FUCA2: variants seen among roughly 807,000 people sequenced by gnomAD.
FUCA2 encodes the protein plasma alpha-L-fucosidase.
Under a neutral mutation model 52.6 loss-of-function variants are expected in FUCA2, and 41 were observed. The observed-to-expected ratio is 0.78, with a 90% confidence interval of 0.61 to 1.01. The LOEUF is 1.01. Among genes scored for constraint, FUCA2 ranks in the 50% least tolerant of loss-of-function variants. The pLI is 0.00. For missense variants in FUCA2, 507 were observed against 569.5 expected, an observed-to-expected ratio of 0.89 and a Z score of 1.12; for synonymous variants, 211 against 217.3, an observed-to-expected ratio of 0.97 and a Z score of 0.26.
chr6:143,504,249 A>G lies in FUCA2; in HGVS notation c.416T>C (p.Phe139Ser). 6.2e-7 allele frequency: 1 copy of G among 1,604,136 alleles called. No individual in the cohort carries two copies. Among genetic ancestry groups the G allele is most frequent in the Non-Finnish European group, 8.5e-7 (1 of 1,176,312 alleles). The change falls in exon 3 of 7, where the codon TTT becomes TCT. Residue 139 changes from phenylalanine to serine, a missense_variant. Transcript: ENST00000002165. The surrounding 1 kb of genome is among the most constrained non-coding windows in gnomAD (Gnocchi z 4.4). ...IVLTSKHHEG[F>S]TLWGSEYSWN... Reference sequence around the variant, plus strand: ...CGAATATTCTGACCCCCACAAGGTAAAGCCTAGAAAATTATAGTGAAAACC... The same window carrying G: ...CGAATATTCTGACCCCCACAAGGTAGAGCCTAGAAAATTATAGTGAAAACC...
In FUCA2 at chr6:143,504,160, T is replaced by C. The variant is rs1780568361; in HGVS notation, c.505A>G (p.Ile169Val). ...RDIVKELEVA[I>V]RNRTDLRFGL... ...AAACGCAGGTCAGTTCTGTTCCTAA[T>C]GGCTACCTCAAGTTCCTTGACAATG... The change falls in exon 3 of 7, where the codon ATT (isoleucine) becomes GTT (valine). Residue 169 changes from isoleucine to valine, a missense_variant. Physicochemically the swap from Ile to Val is conservative, Grantham distance 29 (BLOSUM62 3). Coordinates refer to ENST00000002165, the MANE Select transcript of FUCA2 (RefSeq NM_032020.5). This position sits in a 1 kb window ranked among gnomAD's most constrained non-coding sequence, Gnocchi z 4.4. 2 of 1,614,056 alleles carry C rather than the reference T, an allele frequency of 1.2e-6. No individual in the cohort carries two copies. Among genetic ancestry groups the C allele is most frequent in the Non-Finnish European group, 1.7e-6 (2 of 1,180,024 alleles).
rs996403234 is a variant in FUCA2 at position 143,497,659 on chromosome 6, A to C, written c.1155-162T>G. 6.6e-6 allele frequency among the ~76,000 whole-genome samples: 1 copy of C among 152,166 alleles called. No homozygotes were observed. Among genetic ancestry groups the C allele is most frequent in the African/African-American group, 2.4e-5 (1 of 41,446 alleles). On this transcript the variant is annotated intron_variant, in intron 5 of 6. Coordinates refer to ENST00000002165, the MANE Select transcript of FUCA2 (RefSeq NM_032020.5). The surrounding 1 kb of genome is among the most constrained non-coding windows in gnomAD (Gnocchi z 5.3). ...TAGCCTCATGGTGGTATAAAAAAAC[A>C]CCTTCCTCCCCCAAGACCAAAAGGA...
In FUCA2 at chr6:143,502,306, CACACTATT is replaced by C; in HGVS notation, c.963+41_963+48del. Reference sequence around the variant, plus strand: ...ATAGAAGAAATAATTCCTACATGACCACACTATTAAGAATATTATGTTAATAGCCACCA... The same window carrying C: ...ATAGAAGAAATAATTCCTACATGACCAAGAATATTATGTTAATAGCCACCA... On this transcript the variant is annotated intron_variant, in intron 4 of 6. Coordinates refer to ENST00000002165, the MANE Select transcript of FUCA2 (RefSeq NM_032020.5). This position sits in a 1 kb window ranked among gnomAD's most constrained non-coding sequence, Gnocchi z 4.1. The C allele has an allele frequency of 6.5e-7, 1 of 1,546,518 alleles. No individual in the cohort carries two copies. The highest frequency in any genetic ancestry group is 8.9e-7 in the Non-Finnish European group (1 of 1,127,578).
rs3789789 is a variant in FUCA2 at position 143,502,622 on chromosome 6, G to A, written c.753-57C>T. Reference sequence around the variant, plus strand: ...AAGGTATAAGCTTTTTATACAAAAAGAAATGTCACTGAAAAGACATGTAAT... The same window carrying A: ...AAGGTATAAGCTTTTTATACAAAAAAAAATGTCACTGAAAAGACATGTAAT... On this transcript the variant is annotated intron_variant, in intron 3 of 6. Transcript: ENST00000002165. The surrounding 1 kb of genome is among the most constrained non-coding windows in gnomAD (Gnocchi z 4.1). 296,785 of 1,391,102 alleles carry A rather than the reference G, an allele frequency of 0.21. 32,523 individuals are homozygous for A. The highest frequency in any genetic ancestry group is 0.22 in the Non-Finnish European group (216,968 of 998,656). 86.2% of individuals were successfully genotyped at this position (1,391,102 alleles called of 1,614,324 possible).
chr6:143,501,889 C>A lies in FUCA2; in HGVS notation c.1154+43G>T, dbSNP rs1780531283. ...TTTATATGTCTGATAAATTTTAAAT[C>A]TCTTCCTTTATAAAAGAGTACTTGG... On this transcript the variant is annotated intron_variant, in intron 5 of 6. Transcript: ENST00000002165. This position sits in a 1 kb window ranked among gnomAD's most constrained non-coding sequence, Gnocchi z 6.1. 6.6e-7 allele frequency: 1 copy of A among 1,518,434 alleles called. No homozygotes were observed. The highest frequency in any genetic ancestry group is 9.0e-7 in the Non-Finnish European group (1 of 1,112,570). The allele number at this position is 1,518,434 out of a possible 1,614,324, so 94.1% of individuals were successfully genotyped here.
rs1780616359 is a variant in FUCA2, at chr6:143,506,934, A to G, written c.412+303T>C. The G allele has an allele frequency of 1.3e-5, 4 of 311,052 alleles. No homozygotes were observed. The South Asian group carries it at 1.8e-4, about 14-fold the overall frequency. 19.3% of individuals were successfully genotyped at this position (311,052 alleles called of 1,614,324 possible). A position where few individuals can be genotyped will look rare whatever the true frequency, so the allele number is the denominator to read the frequency against. On this transcript the variant is annotated intron_variant, in intron 2 of 6. Coordinates refer to ENST00000002165, the MANE Select transcript of FUCA2 (RefSeq NM_032020.5). ...GAGTGCAATTCCAAGATGAACTTTG[A>G]CTTGCAACCCACACTCCCTTCAACA...
In FUCA2 at chr6:143,503,801, C is replaced by A; in HGVS notation, c.752+112G>T. 1 of 767,400 alleles carries A rather than the reference C, an allele frequency of 1.3e-6. No individual in the cohort carries two copies. Among genetic ancestry groups the A allele is most frequent in the Non-Finnish European group, 2.1e-6 (1 of 484,782 alleles). 47.5% of individuals were successfully genotyped at this position (767,400 alleles called of 1,614,324 possible). ...GTATTATTTACAATGATTTTCTCCC[C>A]CCATACCACCAATGACTTAAAATGA... On this transcript the variant is annotated intron_variant, in intron 3 of 6. Coordinates refer to ENST00000002165, the MANE Select transcript of FUCA2 (RefSeq NM_032020.5). This position sits in a 1 kb window ranked among gnomAD's most constrained non-coding sequence, Gnocchi z 4.8.
At position 143,497,386 on chromosome 6, in the gene FUCA2, T is replaced by TA. The variant is rs1343590030; in HGVS notation, c.1263+2dup. Reference sequence around the variant, plus strand: ...AAAGGAATAAGGTAAAATTCCCTCTTACCTCTGTTGCCCCCAGAATAGCTT... The same window carrying TA: ...AAAGGAATAAGGTAAAATTCCCTCTTAACCTCTGTTGCCCCCAGAATAGCTT... On this transcript the variant is annotated splice_region_variant and intron_variant, in intron 6 of 6. Coordinates refer to ENST00000002165, the MANE Select transcript of FUCA2 (RefSeq NM_032020.5). The surrounding 1 kb of genome is among the most constrained non-coding windows in gnomAD (Gnocchi z 5.3). 3 of 1,590,802 alleles carry TA rather than the reference T, an allele frequency of 1.9e-6. No individual in the cohort carries two copies. Among genetic ancestry groups the TA allele is most frequent in the South Asian group, 1.1e-5 (1 of 90,610 alleles).
rs1485726620 is a variant in FUCA2 at position 143,510,614 on chromosome 6, G to C, written c.224+797C>G. Among the ~76,000 whole-genome samples, 3 of 151,226 alleles carry C rather than the reference G, an allele frequency of 2.0e-5. No homozygotes were observed. The highest frequency in any genetic ancestry group is 4.4e-5 in the Non-Finnish European group (3 of 67,910). On this transcript the variant is annotated intron_variant, in intron 1 of 6. Coordinates refer to ENST00000002165, the MANE Select transcript of FUCA2 (RefSeq NM_032020.5). The surrounding 1 kb of genome is among the most constrained non-coding windows in gnomAD (Gnocchi z 4.4). Reference sequence around the variant, plus strand: ...AGATGGTGCCACTGCACTCCAGCCTGGGTGACAGAATGAGACTATGTCTCA... The same window carrying C: ...AGATGGTGCCACTGCACTCCAGCCTCGGTGACAGAATGAGACTATGTCTCA...
intron 1 of FUCA2, among the ~76,000 whole-genome samples, chr6:143,508,104 T>C (rs1442633048): frequency 6.6e-6 from 1 of 152,208 alleles, no homozygotes; most frequent in Non-Finnish European, 1.5e-5. Context: ...ATCTATTATA[T>C]TCAGTAGTAG....
chr6:143,502,440 T>C lies in FUCA2; in HGVS notation c.878A>G (p.Asn293Ser). 3 of 1,614,086 alleles carry C rather than the reference T, an allele frequency of 1.9e-6. No individual in the cohort carries two copies. Among genetic ancestry groups the C allele is most frequent in the Non-Finnish European group, 2.5e-6 (3 of 1,179,984 alleles). ...GGACAGTTTGTCTATTGTCATGCAG[T>C]TTTCCCATTTATGTGGCAAAAGATG... is the stretch of plus-strand genomic sequence containing the variant. ...PGHLLPHKWE[N>S]CMTIDKLSWG... is the part of the protein sequence containing the mutation. Residue 293 changes from asparagine (N) to serine (S), a missense_variant, in exon 4 of 7, where the codon AAC becomes AGC. By Grantham distance (46) the Asn-to-Ser change is conservative (BLOSUM62 1). Transcript: ENST00000002165. This position sits in a 1 kb window ranked among gnomAD's most constrained non-coding sequence, Gnocchi z 4.1.
chr6:143,509,609 G>T lies in FUCA2; in HGVS notation c.224+1802C>A, dbSNP rs933994077. 9.9e-5 allele frequency among the ~76,000 whole-genome samples: 15 copies of T among 152,076 alleles called. No homozygotes were observed. Among genetic ancestry groups the T allele is most frequent in the African/African-American group, 3.4e-4 (14 of 41,398 alleles). ...AATGATAATATAAGATACAATTTAG[G>T]GGGAAGAAAGTTGTTAATTATGTAC... On this transcript the variant is annotated intron_variant, in intron 1 of 6. Transcript: ENST00000002165. The surrounding 1 kb of genome is among the most constrained non-coding windows in gnomAD (Gnocchi z 5.4).
rs759616945 is a variant in FUCA2, at chr6:143,503,888, T to C, written c.752+25A>G. 1 of 1,531,260 alleles carries C rather than the reference T, an allele frequency of 6.5e-7. No homozygotes were observed. The highest frequency in any genetic ancestry group is 1.2e-5 in the South Asian group (1 of 84,762). 94.9% of individuals were successfully genotyped at this position (1,531,260 alleles called of 1,614,324 possible). On this transcript the variant is annotated intron_variant, in intron 3 of 6. Coordinates refer to ENST00000002165, the MANE Select transcript of FUCA2 (RefSeq NM_032020.5). The surrounding 1 kb of genome is among the most constrained non-coding windows in gnomAD (Gnocchi z 4.8). ...ATATATTAGGAATATGGAGGGTAACTGCAGCAATCTCATAGCATACACACC... is the reference window on the plus strand; with the variant it reads ...ATATATTAGGAATATGGAGGGTAACCGCAGCAATCTCATAGCATACACACC...
chr6:143,507,318 AT>A lies in FUCA2; in HGVS notation c.330del (p.Lys110AsnfsTer22), dbSNP rs1562666566. 6.2e-7 allele frequency: 1 copy of A among 1,610,456 alleles called. No individual in the cohort carries two copies. Among genetic ancestry groups the A allele is most frequent in the East Asian group, 2.2e-5 (1 of 44,734 alleles). On this transcript the variant is annotated frameshift_variant, in exon 2 of 7. Transcript: ENST00000002165. LOFTEE classifies it high-confidence loss of function. This position sits in a 1 kb window ranked among gnomAD's most constrained non-coding sequence, Gnocchi z 4.5. ...TCTGCCCACTGGTTGGCATTAAAAA[AT>A]TTTGCTGTAAATAGTGGTCCAAAAT... Reference protein sequence around the residue: ...YEDFGPLFTAKFFNANQWADI... With the variant: ...YEDFGPLFTAXFFNANQWADI...
In FUCA2 at chr6:143,507,353, T is replaced by G; in HGVS notation, c.296A>C (p.Lys99Thr). 2.5e-6 allele frequency: 4 copies of G among 1,608,630 alleles called. 1 individual carries two copies. Among genetic ancestry groups the G allele is most frequent in the Middle Eastern group, 1.7e-4 (1 of 6,036 alleles). Residue 99 changes from lysine to threonine, a missense_variant, in exon 2 of 7, where the codon AAA becomes ACA. By Grantham distance (78) the Lys-to-Thr change is moderately conservative. Transcript: ENST00000002165. This position sits in a 1 kb window ranked among gnomAD's most constrained non-coding sequence, Gnocchi z 4.5. ...FMKDNYPPSF[K>T]YEDFGPLFTA... ...AAATAGTGGTCCAAAATCTTCATAT[T>G]TGAAACTAGGAGGGTAATTATCTTT...
At chr6:143,506,703 A>T (rs1324418834) in intron 2 of FUCA2, 3 of 152,364 alleles carry the variant, frequency 2.0e-5, no homozygotes, top group African/African-American at 7.2e-5. Context: ...TCTGGAAACC[A>T]TTACAGTTCC....
At chr6:143,496,166 C>T (rs1286702029) in intron 6 of FUCA2, 1 of 234,586 alleles carries the variant, frequency 4.3e-6, no homozygotes, top group African/African-American at 2.2e-5. Flanking sequence ...GGCTCTGAAA[C>T]CAGAGTCTGC....
At position 143,507,373 on chromosome 6, in the gene FUCA2, A is replaced by G. The variant is rs779071325; in HGVS notation, c.276T>C (p.Asp92=). ...CATATTTGAAACTAGGAGGGTAATT[A>G]TCTTTCATAAATTCCACATACTTCG... is the stretch of plus-strand genomic sequence containing the variant. The part of the protein sequence containing the change: ...KIPKYVEFMK[D]NYPPSFKYED... The change falls in exon 2 of 7, where the codon GAT becomes GAC. Residue 92 remains aspartate, a synonymous_variant. Transcript: ENST00000002165. This position sits in a 1 kb window ranked among gnomAD's most constrained non-coding sequence, Gnocchi z 4.5. 2 of 1,605,354 alleles carry G rather than the reference A, an allele frequency of 1.2e-6. No homozygotes were observed. The highest frequency in any genetic ancestry group is 1.7e-5 in the Admixed American group (1 of 57,300).
At position 143,507,875 on chromosome 6, in the gene FUCA2, C is replaced by T. The variant is rs1194904240; in HGVS notation, c.225-451G>A. Among the ~76,000 whole-genome samples, 1 of 152,028 alleles carries T rather than the reference C, an allele frequency of 6.6e-6. No individual in the cohort carries two copies. The highest frequency in any genetic ancestry group is 1.5e-5 in the Non-Finnish European group (1 of 67,998). On this transcript the variant is annotated intron_variant, in intron 1 of 6. Coordinates refer to ENST00000002165, the MANE Select transcript of FUCA2 (RefSeq NM_032020.5). The surrounding 1 kb of genome is among the most constrained non-coding windows in gnomAD (Gnocchi z 4.5). ...GTAGAGATGTGGTTTCCATATGTTG[C>T]CCAGGCTGGTCTTAAACTCCTGGGC...
Sources: gnomAD v4.1 joint callset for allele counts (sites outside exome capture counted in the v4.1 genomes callset) on GRCh38, gnomAD v4.1.1 for gene constraint, Gnocchi (gnomAD v3.1) non-coding constraint, MANE v1.5 for transcripts, NCBI Gene and HGNC (gene_info 2026-07-23, HGNC 2026-07-21) for gene names.